Variants in DIAPH2 observed in about 807,000 individuals in gnomAD.
The protein encoded by DIAPH2 is protein diaphanous homolog 2.
DIAPH2 carries 35 observed loss-of-function variants against 92.7 expected under a neutral mutation model. The ratio of observed to expected loss-of-function variants is 0.38; its 90% CI spans 0.29 to 0.50. DIAPH2 has a LOEUF of 0.50. Among genes scored for constraint, DIAPH2 ranks in the 20% least tolerant of loss-of-function variants. The pLI, the probability that DIAPH2 is intolerant of heterozygous loss-of-function variation, is 0.94. For synonymous variants in DIAPH2, 301 were observed against 280.4 expected (o/e 1.07, Z -0.73); for missense variants, 701 against 819.5 (o/e 0.86, Z 1.77).
intron 23 of DIAPH2, among the ~76,000 whole-genome samples, chrX:97,270,317 G>A (rs778101363): frequency 8.9e-6 from 1 of 112,094 alleles, no homozygotes; most frequent in Non-Finnish European, 1.9e-5. Context: ...GCCCGCCTCG[G>A]CCTCCCAAAG....
intron 22 of DIAPH2, among the ~76,000 whole-genome samples, chrX:97,194,043 A>G (rs935886872): frequency 1.8e-5 from 2 of 111,588 alleles, no homozygotes; most frequent in African/African-American, 6.5e-5. Context: ...TTTGTGGATG[A>G]CAGACTGAAG....
chrX:97,553,305 T>C (rs1160464078), intron 26 of DIAPH2, among the ~76,000 whole-genome samples: 1 of 111,918 alleles, frequency 8.9e-6, no homozygotes, highest in Admixed American at 9.5e-5. Flanking sequence ...TTTATAGCAT[T>C]TGATTTTTTT....
intron 26 of DIAPH2, among the ~76,000 whole-genome samples, chrX:97,452,716 A>T: frequency 8.9e-6 from 1 of 112,478 alleles, no homozygotes; most frequent in Non-Finnish European, 1.9e-5. Flanking sequence ...TCTAAAAGTT[A>T]AAACACAAAA....
intron 12 of DIAPH2, 102 bp downstream of exon 12, chrX:96,939,484 G>GTGTATATATATATATA (rs745521574): frequency 6.9e-5 from 10 of 145,167 alleles, no homozygotes; most frequent in East Asian, 1.3e-4. Flanking sequence ...ATATGTGTGT[G>GTGTATATATATATATA]TATGTATATA....
At chrX:97,308,652 G>T (rs956735934) in intron 23 of DIAPH2, among the ~76,000 whole-genome samples, 1 of 79,593 alleles carries the variant, frequency 1.3e-5, no homozygotes, top group African/African-American at 4.9e-5. Context: ...ACGGAGTCTC[G>T]CACTGTCGTC....
In DIAPH2 at chrX:96,897,329, T is replaced by G. The variant is rs192949038; in HGVS notation, c.588-14999T>G. 8.1e-5 allele frequency among the ~76,000 whole-genome samples: 9 copies of G among 110,650 alleles called. No homozygotes were observed. The East Asian group carries it at 2.5e-3, about 31-fold the overall frequency. On this transcript the variant is annotated intron_variant, in intron 5 of 26. Transcript: ENST00000324765. Reference sequence around the variant, plus strand: ...TGTAGTCTTTTATCTCTCACCCACCTCCCAACATCCGCCCACTTACTTTGA... The same window carrying G: ...TGTAGTCTTTTATCTCTCACCCACCGCCCAACATCCGCCCACTTACTTTGA...
intron 23 of DIAPH2, among the ~76,000 whole-genome samples, chrX:97,289,778 G>A (rs1316801707): frequency 2.8e-5 from 3 of 107,642 alleles, no homozygotes; most frequent in Non-Finnish European, 3.8e-5. Flanking sequence ...AGGCTGTAGT[G>A]CAGTGGTGTA....
chrX:97,097,555 G>A (rs757414224), intron 19 of DIAPH2, among the ~76,000 whole-genome samples: 2 of 111,727 alleles, frequency 1.8e-5, no homozygotes, highest in Admixed American at 1.9e-4. Flanking sequence ...AATAACAAAA[G>A]TTTCACATTC....
chrX:96,920,021 C>T (rs966943742), intron 9 of DIAPH2, among the ~76,000 whole-genome samples: 4 of 110,373 alleles, frequency 3.6e-5, no homozygotes, highest in Non-Finnish European at 7.6e-5. Flanking sequence ...GCTGGGATTA[C>T]AGGCATGCAC....
At chrX:96,945,696 T>A in intron 14 of DIAPH2, 105 bp downstream of exon 14, 1 of 522,370 alleles carries the variant, frequency 1.9e-6, no homozygotes, top group East Asian at 4.2e-5. Flanking sequence ...TTCATTTATG[T>A]AGTACTTTAT....
chrX:97,076,821 T>C (rs898168880), intron 19 of DIAPH2, among the ~76,000 whole-genome samples: 1 of 111,631 alleles, frequency 9.0e-6, no homozygotes, highest in African/African-American at 3.3e-5. Context: ...AGACCTCCAT[T>C]CCCTTTTCTA....
At chrX:96,993,994 C>T (rs1454785399) in intron 17 of DIAPH2, among the ~76,000 whole-genome samples, 1 of 111,257 alleles carries the variant, frequency 9.0e-6, no homozygotes, top group African/African-American at 3.3e-5. Context: ...GAGGGAGGTA[C>T]ATTGGAGACA....
At chrX:97,515,638 G>A (rs1230855148) in intron 26 of DIAPH2, among the ~76,000 whole-genome samples, 1 of 109,246 alleles carries the variant, frequency 9.2e-6, no homozygotes, top group African/African-American at 3.3e-5. Context: ...AATAAAGTGT[G>A]GGGGACTTAA....
At chrX:96,907,916 G>T (rs1254932082) in intron 5 of DIAPH2, among the ~76,000 whole-genome samples, 1 of 111,871 alleles carries the variant, frequency 8.9e-6, no homozygotes, top group Non-Finnish European at 1.9e-5. Flanking sequence ...ACAAATTGTG[G>T]TATATTCATA....
chrX:97,565,772 A>G (rs2147871302), intron 26 of DIAPH2, among the ~76,000 whole-genome samples: 1 of 111,945 alleles, frequency 8.9e-6, no homozygotes, highest in South Asian at 3.7e-4. Flanking sequence ...AGAGCATATT[A>G]CATTCATGTC....
intron 3 of DIAPH2, among the ~76,000 whole-genome samples, chrX:96,739,833 C>G (rs753893381): frequency 8.9e-6 from 1 of 111,779 alleles, no homozygotes; most frequent in Non-Finnish European, 1.9e-5. Flanking sequence ...CTGCTCCTTT[C>G]GTGCTATCTT....
intron 17 of DIAPH2, among the ~76,000 whole-genome samples, chrX:97,021,652 GTA>G (rs1361319171): frequency 8.9e-6 from 1 of 111,932 alleles, no homozygotes; most frequent in African/African-American, 3.2e-5. Flanking sequence ...TTAATGAAAA[GTA>G]TAATAATTTT....
chrX:96,846,909 G>A (rs1214151041), intron 4 of DIAPH2, among the ~76,000 whole-genome samples: 1 of 111,191 alleles, frequency 9.0e-6, no homozygotes, highest in Non-Finnish European at 1.9e-5. Context: ...GTTACAGTCA[G>A]TGTAACTGCT....
chrX:97,484,273 T>C (rs1242986866), intron 26 of DIAPH2, among the ~76,000 whole-genome samples: 2 of 111,705 alleles, frequency 1.8e-5, no homozygotes, highest in Non-Finnish European at 3.8e-5. Context: ...TGGAATCTAA[T>C]TCCGTTTTTA....
Sources: allele counts gnomAD v4.1 joint callset (sites outside exome capture counted in the v4.1 genomes callset), GRCh38; gene constraint gnomAD v4.1.1; transcripts MANE v1.5; gene names NCBI Gene and HGNC (gene_info 2026-07-23, HGNC 2026-07-21).